TAF3: variants seen among roughly 807,000 people sequenced by gnomAD.
The protein encoded by TAF3 is transcription initiation factor TFIID subunit 3.
TAF3 carries 7 observed loss-of-function variants against 80.6 expected under a neutral mutation model. That is an observed-to-expected ratio of 0.09 (90% confidence interval 0.05 to 0.16). The LOEUF is 0.16. Among genes scored for constraint, TAF3 ranks in the 10% least tolerant of loss-of-function variants. The probability of loss-of-function intolerance (pLI) is 1.00; values close to 1 mark genes in which losing one functional copy is unlikely to be tolerated. For missense variants in TAF3, 921 were observed against 1,140.2 expected (o/e 0.81, Z 2.77); for synonymous variants, 444 against 446.1 (o/e 1.00, Z 0.06).
chr10:7,988,940 A>C (rs911302794), intron 4 of TAF3, among the ~76,000 whole-genome samples: 14 of 151,818 alleles, frequency 9.2e-5, no homozygotes, highest in Non-Finnish European at 1.6e-4. Flanking sequence ...TCACAGTAAA[A>C]ATTTTTTCTG....
intron 2 of TAF3, among the ~76,000 whole-genome samples, chr10:7,847,574 G>T (rs11255402): frequency 6.6e-6 from 1 of 152,106 alleles, no homozygotes; most frequent in African/African-American, 2.4e-5. Flanking sequence ...CTTCTGGGTA[G>T]CTGGAACTAC....
chr10:7,872,995 G>A (rs1837280772), intron 2 of TAF3, among the ~76,000 whole-genome samples: 1 of 151,952 alleles, frequency 6.6e-6, no homozygotes, highest in South Asian at 2.1e-4. Flanking sequence ...AAATCCCAAA[G>A]TCTCTATAAG....
chr10:7,949,998 A>G, intron 2 of TAF3, among the ~76,000 whole-genome samples: 1 of 152,222 alleles, frequency 6.6e-6, no homozygotes, highest in Non-Finnish European at 1.5e-5. Flanking sequence ...AATAAATTAG[A>G]GTCAATGATA....
At chr10:8,006,225 A>ACAC (rs1831992298) in intron 4 of TAF3, among the ~76,000 whole-genome samples, 2 of 125,032 alleles carry the variant, frequency 1.6e-5, no homozygotes, top group South Asian at 2.6e-4. Flanking sequence ...CACACACACA[A>ACAC]ATTAGCTGGG....
chr10:7,918,949 G>A (rs944048524), intron 2 of TAF3, among the ~76,000 whole-genome samples: 9 of 152,200 alleles, frequency 5.9e-5, no homozygotes, highest in East Asian at 3.9e-4. Context: ...AGCTTGCTGC[G>A]TGGTATACAG....
intron 2 of TAF3, among the ~76,000 whole-genome samples, chr10:7,831,744 G>A (rs1378188739): frequency 1.3e-5 from 2 of 152,082 alleles, no homozygotes; most frequent in African/African-American, 4.8e-5. Flanking sequence ...CACATGACCC[G>A]AATTGGCTTT....
intron 2 of TAF3, among the ~76,000 whole-genome samples, chr10:7,865,781 C>T (rs1464984801): frequency 6.6e-6 from 1 of 152,240 alleles, no homozygotes; most frequent in African/African-American, 2.4e-5. Context: ...CCTCGAACAG[C>T]AGCAGAGGAT....
chr10:7,980,480 G>T (rs575541669), intron 4 of TAF3, among the ~76,000 whole-genome samples: 2 of 152,150 alleles, frequency 1.3e-5, no homozygotes, highest in Admixed American at 1.3e-4. Context: ...TCAATGGTGA[G>T]TCCAGGACCT....
In TAF3 at chr10:7,888,176, C is replaced by T. The variant is rs185420575; in HGVS notation, c.409+63616C>T. On this transcript the variant is annotated intron_variant, in intron 2 of 6. Transcript: ENST00000344293. ...TAAAGTTTTTCCTGAACGCTGTCTT[C>T]CTCTAGGCCAGGATCTACACCCCTT... is the stretch of plus-strand genomic sequence containing the variant. Among the ~76,000 whole-genome samples the T allele has an allele frequency of 2.4e-5, 3 of 125,236 alleles. No homozygotes were observed. In the Admixed American group the frequency reaches 2.5e-4, roughly 10 times the overall value. 82.2% of individuals were successfully genotyped at this position (125,236 alleles called of 152,430 possible).
Position 7,823,945 on chromosome 10 carries a change from T to TA in TAF3, c.167-358dup, listed in dbSNP as rs201897666. On this transcript the variant is annotated intron_variant, in intron 1 of 6. Transcript: ENST00000344293. ...CGCGCCCAGCTAAGATGCCATCTCT[T>TA]AAAAAAAAAAAAAAAGACAAAACAC... 9.9e-3 allele frequency among the ~76,000 whole-genome samples: 1,426 copies of TA among 144,154 alleles called. 19 individuals are homozygous for TA. Among genetic ancestry groups the TA allele is most frequent in the African/African-American group, 0.03 (1,164 of 39,374 alleles). 94.6% of individuals were successfully genotyped at this position (144,154 alleles called of 152,430 possible).
At chr10:7,887,045 C>T (rs937318488) in intron 2 of TAF3, among the ~76,000 whole-genome samples, 1 of 151,878 alleles carries the variant, frequency 6.6e-6, no homozygotes, top group African/African-American at 2.4e-5. Flanking sequence ...ACCATCCTGG[C>T]TAACATGGTG....
intron 2 of TAF3, among the ~76,000 whole-genome samples, chr10:7,874,405 AC>A (rs1307326925): frequency 1.3e-5 from 2 of 152,132 alleles, no homozygotes; most frequent in Admixed American, 1.3e-4. Flanking sequence ...TATATATCTT[AC>A]CCCTGGGCTT....
Position 7,920,532 on chromosome 10 carries a change from G to A in TAF3, c.410-43388G>A, listed in dbSNP as rs538435738. Among the ~76,000 whole-genome samples, 404 of 152,124 alleles carry A rather than the reference G, an allele frequency of 2.7e-3. 3 individuals are homozygous for A. Among genetic ancestry groups the A allele is most frequent in the African/African-American group, 8.8e-3 (366 of 41,526 alleles). ...ATAAAGTCATGTTGATTTTTGTGTA[G>A]CCTATAATGAAATAGAAAATAATCT... On this transcript the variant is annotated intron_variant, in intron 2 of 6. Coordinates refer to ENST00000344293, the MANE Select transcript of TAF3 (RefSeq NM_031923.4).
rs906223100 is a variant in TAF3 at position 8,009,737 on chromosome 10, T to G, written c.2568+407T>G. ...CCCAGGTTCAAGCGATTCTCCTGCCTCAGCCTCCTGAGTAGCTGGGATTAC... is the reference window on the plus strand; with the variant it reads ...CCCAGGTTCAAGCGATTCTCCTGCCGCAGCCTCCTGAGTAGCTGGGATTAC... On this transcript the variant is annotated intron_variant, in intron 5 of 6. Coordinates refer to ENST00000344293, the MANE Select transcript of TAF3 (RefSeq NM_031923.4). The surrounding 1 kb of genome is among the most constrained non-coding windows in gnomAD (Gnocchi z 4.1). Among the ~76,000 whole-genome samples, 3 of 151,982 alleles carry G rather than the reference T, an allele frequency of 2.0e-5. No homozygotes were observed. The highest frequency in any genetic ancestry group is 1.3e-4 in the Admixed American group (2 of 15,264).
chr10:7,954,123 T>G (rs1393698679), intron 2 of TAF3, among the ~76,000 whole-genome samples: 1 of 136,382 alleles, frequency 7.3e-6, no homozygotes, highest in Non-Finnish European at 1.6e-5. Context: ...CATAGGTGAA[T>G]GAATGAATTA....
chr10:7,999,574 A>C (rs913244358), intron 4 of TAF3, among the ~76,000 whole-genome samples: 1 of 149,564 alleles, frequency 6.7e-6, no homozygotes, highest in Non-Finnish European at 1.5e-5. Context: ...CTCCCGCCCC[A>C]GCATCTCAAG....
chr10:7,954,794 T>C (rs1838119363), intron 2 of TAF3, among the ~76,000 whole-genome samples: 1 of 140,156 alleles, frequency 7.1e-6, no homozygotes, highest in African/African-American at 2.6e-5. Context: ...GTGCCCTCCA[T>C]AGGCGAATGA....
intron 2 of TAF3, among the ~76,000 whole-genome samples, chr10:7,878,735 ATG>A (rs1197424715): frequency 8.7e-6 from 1 of 114,988 alleles, no homozygotes; most frequent in Non-Finnish European, 2.0e-5. Context: ...GTATGTATGT[ATG>A]TATGTATATG....
intron 3 of TAF3, among the ~76,000 whole-genome samples, chr10:7,974,722 GT>G (rs1831653761): frequency 6.6e-6 from 1 of 152,120 alleles, no homozygotes; most frequent in Non-Finnish European, 1.5e-5. Flanking sequence ...GTGAGAAATT[GT>G]TAGCTAGAGG....
Sources: allele counts gnomAD v4.1 joint callset (sites outside exome capture counted in the v4.1 genomes callset), GRCh38; gene constraint gnomAD v4.1.1; non-coding constraint Gnocchi (gnomAD v3.1); transcripts MANE v1.5; gene names NCBI Gene and HGNC (gene_info 2026-07-23, HGNC 2026-07-21).